The following STARD3NL variants were observed in gnomAD, a reference collection of about 807,000 sequenced individuals.
STARD3NL encodes the protein STARD3 N-terminal-like protein.
Under a neutral mutation model 30.9 loss-of-function variants are expected in STARD3NL, and 17 were observed. That is an observed-to-expected ratio of 0.55 (90% confidence interval 0.38 to 0.82). The LOEUF is 0.82. Among genes scored for constraint, STARD3NL ranks in the 40% least tolerant of loss-of-function variants. STARD3NL has a pLI of 0.00. For synonymous variants in STARD3NL, 112 were observed against 100.5 expected, an observed-to-expected ratio of 1.11 and a Z score of -0.69; for missense variants, 234 against 277.6, an observed-to-expected ratio of 0.84 and a Z score of 1.12.
intron 7 of STARD3NL, among the ~76,000 whole-genome samples, chr7:38,227,433 G>A (rs575888553): frequency 2.0e-4 from 31 of 152,276 alleles, no homozygotes; most frequent in Admixed American, 4.6e-4. Flanking sequence ...CAACCTAACC[G>A]TGTGACATTT....
At chr7:38,228,020 T>C (rs940662408) in intron 7 of STARD3NL, among the ~76,000 whole-genome samples, 28 of 152,212 alleles carry the variant, frequency 1.8e-4, no homozygotes, top group African/African-American at 6.3e-4. Context: ...TATATTTGGT[T>C]TTTAATTTTA....
Position 38,203,240 on chromosome 7 carries a change from C to T in STARD3NL, c.-58-4207C>T, listed in dbSNP as rs1010241325. Reference sequence around the variant, plus strand: ...GTTAAGGGCAGCCAGAGAGAAAGGTCGGGTTACCCACAAAGGGAAGCCCAT... The same window carrying T: ...GTTAAGGGCAGCCAGAGAGAAAGGTTGGGTTACCCACAAAGGGAAGCCCAT... On this transcript the variant is annotated intron_variant, in intron 1 of 8. Transcript: ENST00000009041. 1.3e-5 allele frequency among the ~76,000 whole-genome samples: 2 copies of T among 152,140 alleles called. 1 individual carries two copies. The highest frequency in any genetic ancestry group is 2.9e-5 in the Non-Finnish European group (2 of 68,018).
At chr7:38,225,716 T>C (rs970168309) in intron 7 of STARD3NL, among the ~76,000 whole-genome samples, 4 of 152,172 alleles carry the variant, frequency 2.6e-5, no homozygotes, top group African/African-American at 9.6e-5. Context: ...ATGATTGATT[T>C]GATACTTTTT....
chr7:38,196,313 T>C (rs111810114), intron 1 of STARD3NL, among the ~76,000 whole-genome samples: 40 of 152,312 alleles, frequency 2.6e-4, no homozygotes, highest in African/African-American at 9.4e-4. Flanking sequence ...CTCTTTCTGA[T>C]GGGCACATTC....
chr7:38,207,870 T>G (rs1476982496), intron 2 of STARD3NL, 141 bp downstream of exon 2: 2 of 771,762 alleles, frequency 2.6e-6, no homozygotes, highest in Non-Finnish European at 4.1e-6. Context: ...CTCCTCCTGA[T>G]TTGGACCTTT....
At chr7:38,205,175 C>A (rs867741788) in intron 1 of STARD3NL, among the ~76,000 whole-genome samples, 20 of 152,218 alleles carry the variant, frequency 1.3e-4, no homozygotes, top group Non-Finnish European at 2.4e-4. Flanking sequence ...CTGGCAGAGA[C>A]ACAACAAAAA....
rs1255937891 is a variant in STARD3NL, at chr7:38,207,449, G to T, written c.-56G>T. On this transcript the variant is annotated splice_region_variant and 5_prime_UTR_variant, in exon 2 of 9. Coordinates refer to ENST00000009041, the MANE Select transcript of STARD3NL (RefSeq NM_032016.4). ...TGTCTCTTTTTTATTTCCCAAAGGT[G>T]TCTTCTCTTTAGGGATGGTGAGGTT... The T allele has an allele frequency of 1.2e-5, 17 of 1,461,338 alleles. No homozygotes were observed. The highest frequency in any genetic ancestry group is 1.6e-5 in the Non-Finnish European group (17 of 1,059,704). 90.5% of individuals were successfully genotyped at this position (1,461,338 alleles called of 1,614,324 possible).
At chr7:38,195,823 C>G (rs377185314) in intron 1 of STARD3NL, among the ~76,000 whole-genome samples, 1 of 152,132 alleles carries the variant, frequency 6.6e-6, no homozygotes, top group South Asian at 2.1e-4. Context: ...TCTAGAAGTT[C>G]CCAAAGAGTA....
At chr7:38,178,795 G>T (rs1784125861) in intron 1 of STARD3NL, among the ~76,000 whole-genome samples, 1 of 151,734 alleles carries the variant, frequency 6.6e-6, no homozygotes, top group Non-Finnish European at 1.5e-5. Context: ...TGGTGACTGG[G>T]TGTAATGCGT....
chr7:38,188,752 C>T (rs1305955079), intron 1 of STARD3NL, among the ~76,000 whole-genome samples: 1 of 152,110 alleles, frequency 6.6e-6, no homozygotes, highest in Non-Finnish European at 1.5e-5. Context: ...ATTTACCCAG[C>T]CATCTTTAAA....
intron 7 of STARD3NL, among the ~76,000 whole-genome samples, chr7:38,226,487 T>G (rs573640242): frequency 7.9e-5 from 12 of 152,326 alleles, no homozygotes; most frequent in Non-Finnish European, 1.6e-4. Flanking sequence ...GGATCAAGGC[T>G]TCCATCCTCT....
intron 1 of STARD3NL, among the ~76,000 whole-genome samples, chr7:38,179,574 G>A (rs1430924968): frequency 4.6e-5 from 7 of 152,182 alleles, no homozygotes; most frequent in Admixed American, 4.6e-4. Flanking sequence ...TTGCCTGAGT[G>A]ATTGTCTATG....
rs556263897 is a variant in STARD3NL at position 38,207,822 on chromosome 7, G to A, written c.225+93G>A. On this transcript the variant is annotated intron_variant, in intron 2 of 8. Coordinates refer to ENST00000009041, the MANE Select transcript of STARD3NL (RefSeq NM_032016.4). ...TTTCTCTTATCATTTGTTTCATTTA[G>A]TAATTTCCATCTTTTTCCAAATGAA... The A allele has an allele frequency of 2.2e-5, 26 of 1,207,180 alleles. No individual in the cohort carries two copies. In the South Asian group the frequency reaches 3.7e-4, roughly 17 times the overall value. 74.8% of individuals were successfully genotyped at this position (1,207,180 alleles called of 1,614,324 possible).
intron 7 of STARD3NL, among the ~76,000 whole-genome samples, chr7:38,226,152 G>GTTTTTTTTTTTTTTTTTTTT (rs11286474): frequency 2.0e-5 from 2 of 102,474 alleles, no homozygotes; most frequent in South Asian, 3.3e-4. Context: ...TGCCTATCTT[G>GTTTTTTTTTTTTTTTTTTTT]TTTTTTTTTT....
chr7:38,204,777 G>A (rs1488988956), intron 1 of STARD3NL, among the ~76,000 whole-genome samples: 4 of 152,094 alleles, frequency 2.6e-5, no homozygotes, highest in Admixed American at 2.0e-4. Context: ...GAATCAAATA[G>A]ATGCAATAAA....
intron 4 of STARD3NL, chr7:38,216,074 G>T (rs984467007): frequency 6.6e-6 from 1 of 152,190 alleles, no homozygotes; most frequent in African/African-American, 2.4e-5. Flanking sequence ...AGCTTTTGAT[G>T]ATTGTACCCT....
intron 1 of STARD3NL, among the ~76,000 whole-genome samples, chr7:38,194,067 T>C (rs1392950238): frequency 1.3e-5 from 2 of 152,184 alleles, no homozygotes; most frequent in Admixed American, 6.5e-5. Flanking sequence ...TATTTTTCAC[T>C]ATTCTTTTTT....
At chr7:38,205,404 T>G (rs1018127942) in intron 1 of STARD3NL, among the ~76,000 whole-genome samples, 10 of 152,202 alleles carry the variant, frequency 6.6e-5, no homozygotes, top group African/African-American at 2.2e-4. Flanking sequence ...CTGAACATAC[T>G]GTGTCTGTGT....
At chr7:38,216,457 CTGTG>C (rs3217069) in intron 4 of STARD3NL, 113 of 148,986 alleles carry the variant, frequency 7.6e-4, no homozygotes, top group African/African-American at 8.9e-4. Context: ...CCAAGCAGCT[CTGTG>C]TGTGTGTGTG....
Sources: gnomAD v4.1 joint callset for allele counts (sites outside exome capture counted in the v4.1 genomes callset) on GRCh38, gnomAD v4.1.1 for gene constraint, MANE v1.5 for transcripts, NCBI Gene and HGNC (gene_info 2026-07-23, HGNC 2026-07-21) for gene names.